CBLB: variants seen among roughly 807,000 people sequenced by gnomAD.
The protein encoded by CBLB is E3 ubiquitin-protein ligase CBL-B.
In CBLB, 31 loss-of-function variants were observed where a neutral mutation model predicts 104.9. That is an observed-to-expected ratio of 0.30 (90% CI 0.22 to 0.40). The LOEUF is 0.40. Ranked by LOEUF, CBLB falls within the 10% of genes least tolerant of loss-of-function variation. CBLB has a pLI of 1.00. For missense variants in CBLB, 1,062 were observed against 1,214.6 expected (o/e 0.87, Z 1.87); for synonymous variants, 440 against 422.6 (o/e 1.04, Z -0.51).
At chr3:105,709,153 T>C (rs180956411) in intron 10 of CBLB, among the ~76,000 whole-genome samples, 6 of 152,098 alleles carry the variant, frequency 3.9e-5, no homozygotes, top group Non-Finnish European at 7.4e-5. Flanking sequence ...CTTGGATTAT[T>C]TGCTATTATT....
At chr3:105,690,289 C>T (rs1182337769) in intron 13 of CBLB, among the ~76,000 whole-genome samples, 1 of 152,036 alleles carries the variant, frequency 6.6e-6, no homozygotes, top group Non-Finnish European at 1.5e-5. Flanking sequence ...AATGAACTCT[C>T]GAACATCTGA....
intron 16 of CBLB, among the ~76,000 whole-genome samples, chr3:105,679,659 C>A (rs1466129111): frequency 6.6e-6 from 1 of 151,780 alleles, no homozygotes; most frequent in Non-Finnish European, 1.5e-5. Flanking sequence ...GACTGTAATC[C>A]TGGCTACTCG....
At chr3:105,815,572 A>T (rs1044079759) in intron 3 of CBLB, among the ~76,000 whole-genome samples, 1 of 152,234 alleles carries the variant, frequency 6.6e-6, no homozygotes, top group Non-Finnish European at 1.5e-5. Context: ...GATGTGGAAA[A>T]ATAGGAATGC....
At chr3:105,808,633 T>A (rs2083838051) in intron 3 of CBLB, among the ~76,000 whole-genome samples, 2 of 152,192 alleles carry the variant, frequency 1.3e-5, no homozygotes, top group East Asian at 1.9e-4. Context: ...GATAACAAAA[T>A]CTATGACTTA....
At chr3:105,752,655 TG>T in intron 4 of CBLB, among the ~76,000 whole-genome samples, 1 of 152,346 alleles carries the variant, frequency 6.6e-6, no homozygotes, top group East Asian at 1.9e-4. Flanking sequence ...AAATTGTGCC[TG>T]GCCCCATGCT....
At chr3:105,665,889 C>T (rs1431860403) in intron 18 of CBLB, among the ~76,000 whole-genome samples, 1 of 151,354 alleles carries the variant, frequency 6.6e-6, no homozygotes, top group Non-Finnish European at 1.5e-5. Flanking sequence ...ATTAGCTGGG[C>T]ATGGTGGTGG....
intron 10 of CBLB, among the ~76,000 whole-genome samples, chr3:105,707,151 A>G (rs1202649807): frequency 6.6e-6 from 1 of 152,192 alleles, no homozygotes; most frequent in Non-Finnish European, 1.5e-5. Context: ...ATCCAAACCA[A>G]TGTGTGTGGC....
At chr3:105,787,018 CT>C (rs755440403) in intron 3 of CBLB, among the ~76,000 whole-genome samples, 1 of 152,102 alleles carries the variant, frequency 6.6e-6, no homozygotes, top group South Asian at 2.1e-4. Flanking sequence ...AAAATCCTGT[CT>C]TTTTAAAGCA....
At position 105,852,305 on chromosome 3, in the gene CBLB, G is replaced by T. The variant is rs548767468; in HGVS notation, c.419+1109C>A. The stretch of plus-strand genomic sequence containing the variant: ...TGACCTTCCAGTGGAATAAGATGTG[G>T]AGGTGGAAGACAATAATATTGATGA... On this transcript the variant is annotated intron_variant, in intron 3 of 18. Transcript: ENST00000394030. 2.6e-5 allele frequency among the ~76,000 whole-genome samples: 4 copies of T among 152,290 alleles called. No homozygotes were observed. The South Asian group carries it at 8.3e-4, about 32-fold the overall frequency.
intron 13 of CBLB, among the ~76,000 whole-genome samples, chr3:105,691,620 T>G (rs372774520): frequency 6.6e-6 from 1 of 152,194 alleles, no homozygotes; most frequent in Admixed American, 6.5e-5. Context: ...TGAGCTTAGA[T>G]GTTTTATTAC....
At chr3:105,864,801 C>A (rs1364083491) in intron 2 of CBLB, among the ~76,000 whole-genome samples, 1 of 152,152 alleles carries the variant, frequency 6.6e-6, no homozygotes, top group South Asian at 2.1e-4. Flanking sequence ...GGTAAAACTA[C>A]ATACTCACTA....
At position 105,713,391 on chromosome 3, in the gene CBLB, T is replaced by TAA. The variant is rs71627688; in HGVS notation, c.1407+6654_1407+6655dup. Among the ~76,000 whole-genome samples, 209 of 147,026 alleles carry TAA rather than the reference T, an allele frequency of 1.4e-3. 1 individual carries two copies. The highest frequency in any genetic ancestry group is 1.6e-3 in the Non-Finnish European group (109 of 66,756). On this transcript the variant is annotated intron_variant, in intron 10 of 18. Transcript: ENST00000394030. Reference sequence around the variant, plus strand: ...TAAGAACAGTGTCACCACTGATCATTAAAAAAAAAAAAATCCTTCTCAAGG... The same window carrying TAA: ...TAAGAACAGTGTCACCACTGATCATTAAAAAAAAAAAAAAATCCTTCTCAAGG...
chr3:105,861,684 T>TACATACAC (rs1553870883), intron 2 of CBLB, among the ~76,000 whole-genome samples: 2 of 145,018 alleles, frequency 1.4e-5, no homozygotes, highest in African/African-American at 5.1e-5. Flanking sequence ...TGTGCACACA[T>TACATACAC]ACACACACAC....
chr3:105,789,913 G>A (rs1349442704), intron 3 of CBLB, among the ~76,000 whole-genome samples: 1 of 151,910 alleles, frequency 6.6e-6, no homozygotes, highest in Non-Finnish European at 1.5e-5. Flanking sequence ...AATTCTTTCG[G>A]CATCCAGCTG....
chr3:105,835,010 C>G (rs1464610809), intron 3 of CBLB, among the ~76,000 whole-genome samples: 1 of 152,202 alleles, frequency 6.6e-6, no homozygotes, highest in Non-Finnish European at 1.5e-5. Context: ...AACTACAGGA[C>G]AGTCTGCCTT....
intron 8 of CBLB, 125 bp from the exon 9 acceptor site, chr3:105,734,265 G>A: frequency 1.1e-6 from 1 of 948,426 alleles, no homozygotes; most frequent in East Asian, 2.6e-5. Context: ...TCAGAATTTT[G>A]TTACCATTTG....
At chr3:105,848,909 A>G (rs2090607334) in intron 3 of CBLB, among the ~76,000 whole-genome samples, 1 of 152,056 alleles carries the variant, frequency 6.6e-6, no homozygotes, top group Non-Finnish European at 1.5e-5. Flanking sequence ...TTGTTGCCTA[A>G]CTACCTTTGA....
chr3:105,769,120 C>T (rs140128461), intron 4 of CBLB, among the ~76,000 whole-genome samples: 11,105 of 152,006 alleles, frequency 0.073, 565 homozygotes, highest in East Asian at 0.28. Context: ...TTGAGACCAG[C>T]CTGGCCAACA....
Position 105,751,506 on chromosome 3 carries a change from A to C in CBLB, c.679T>G (p.Tyr227Asp). Residue 227 changes from tyrosine (Y) to aspartate (D), a missense_variant, in exon 5 of 19, where the codon TAC becomes GAC. By Grantham distance (160) the Tyr-to-Asp change is radical. This residue lies in a region of CBLB where 457 missense variants were observed against 632.0 expected (regional missense o/e 0.72). Coordinates refer to ENST00000394030, the MANE Select transcript of CBLB (RefSeq NM_170662.5). The stretch of plus-strand genomic sequence containing the variant: ...ATATCAAATTCAAAAACTGAAATGT[A>C]ATCATTGCAAGTTAAATCAATTGTT... Reference protein sequence around the residue: ...KSTIDLTCNDYISVFEFDIFT... With the variant: ...KSTIDLTCNDDISVFEFDIFT... 6.2e-7 allele frequency: 1 copy of C among 1,611,122 alleles called. No homozygotes were observed. Among genetic ancestry groups the C allele is most frequent in the Non-Finnish European group, 8.5e-7 (1 of 1,177,412 alleles).
Sources: allele counts gnomAD v4.1 joint callset (sites outside exome capture counted in the v4.1 genomes callset), GRCh38; gene constraint gnomAD v4.1.1; regional missense constraint gnomAD v4.1.1; transcripts MANE v1.5; gene names NCBI Gene and HGNC (gene_info 2026-07-23, HGNC 2026-07-21).